Variants in LHFPL3 observed in about 807,000 individuals in gnomAD.
LHFPL3 encodes the protein LHFPL tetraspan subfamily member 3, also known as LHFPL tetraspan subfamily member 3 protein.
A neutral mutation model predicts 19.3 loss-of-function variants in LHFPL3; 5 were observed. The ratio of observed to expected loss-of-function variants is 0.26; its 90% confidence interval spans 0.14 to 0.54. The LOEUF (loss-of-function observed/expected upper bound fraction) is 0.54, where lower values mean the gene tolerates loss of function less well. Among genes scored for constraint, LHFPL3 ranks in the 20% least tolerant of loss-of-function variants. The pLI is 0.94. For missense variants in LHFPL3, 249 were observed against 307.4 expected, an observed-to-expected ratio of 0.81 and a Z score of 1.42; for synonymous variants, 133 against 126.2, an observed-to-expected ratio of 1.05 and a Z score of -0.36.
chr7:104,380,059 T>G (rs989961722), intron 1 of LHFPL3, among the ~76,000 whole-genome samples: 2 of 152,176 alleles, frequency 1.3e-5, no homozygotes, highest in Admixed American at 1.3e-4. Flanking sequence ...GTTACCATAC[T>G]GGTTAACTAA....
At chr7:104,734,542 G>C (rs1389644712) in intron 1 of LHFPL3, among the ~76,000 whole-genome samples, 1 of 152,174 alleles carries the variant, frequency 6.6e-6, no homozygotes, top group Non-Finnish European at 1.5e-5. Context: ...TCGTCACATA[G>C]TTCTTGTGCC....
chr7:104,876,615 G>T (rs1310792969), intron 2 of LHFPL3, among the ~76,000 whole-genome samples: 1 of 151,720 alleles, frequency 6.6e-6, no homozygotes, highest in Non-Finnish European at 1.5e-5. Flanking sequence ...TCATTAAAAA[G>T]TCAGGAAACA....
chr7:104,881,940 TAA>T (rs970371945), intron 2 of LHFPL3, among the ~76,000 whole-genome samples: 6 of 152,176 alleles, frequency 3.9e-5, no homozygotes, highest in Non-Finnish European at 8.8e-5. Context: ...ATTTTTAAAT[TAA>T]GTATGTATAT....
intron 2 of LHFPL3, among the ~76,000 whole-genome samples, chr7:104,874,107 G>A (rs528989552): frequency 1.2e-4 from 19 of 152,286 alleles, no homozygotes; most frequent in African/African-American, 4.6e-4. Flanking sequence ...TCATCTATAG[G>A]TAGCTGGCAG....
chr7:104,882,062 G>A (rs1302113706), intron 2 of LHFPL3, among the ~76,000 whole-genome samples: 1 of 152,090 alleles, frequency 6.6e-6, no homozygotes, highest in African/African-American at 2.4e-5. Flanking sequence ...TCACTTTATT[G>A]CAGTGGTCTG....
intron 2 of LHFPL3, chr7:104,799,473 T>C (rs971047713): frequency 2.0e-5 from 3 of 152,332 alleles, no homozygotes; most frequent in Non-Finnish European, 2.9e-5. Flanking sequence ...TGGGTCTGTC[T>C]GGTCAACAAG....
At chr7:104,469,875 T>C (rs960042198) in intron 1 of LHFPL3, among the ~76,000 whole-genome samples, 2 of 152,182 alleles carry the variant, frequency 1.3e-5, no homozygotes, top group African/African-American at 4.8e-5. Flanking sequence ...AAATGTGAGA[T>C]AAATGATATA....
intron 1 of LHFPL3, among the ~76,000 whole-genome samples, chr7:104,538,565 G>A (rs1794429521): frequency 6.6e-6 from 1 of 152,210 alleles, no homozygotes; most frequent in African/African-American, 2.4e-5. Context: ...GCAGATGTTT[G>A]CCATTGTTTT....
intron 1 of LHFPL3, among the ~76,000 whole-genome samples, chr7:104,430,419 CATATATATATATATATATATAT>C (rs1457442187): frequency 2.0e-4 from 3 of 14,668 alleles, no homozygotes; most frequent in Admixed American, 1.2e-3. Context: ...TATATATATA[CATATATATATATATATATATAT>C]ATATATATAT....
At chr7:104,612,980 T>C (rs1791238909) in intron 1 of LHFPL3, among the ~76,000 whole-genome samples, 1 of 152,194 alleles carries the variant, frequency 6.6e-6, no homozygotes, top group African/African-American at 2.4e-5. Context: ...AGTAATTCAT[T>C]TGGAAACAAA....
chr7:104,335,668 A>T (rs1011782134), intron 1 of LHFPL3, among the ~76,000 whole-genome samples: 5 of 152,182 alleles, frequency 3.3e-5, no homozygotes, highest in African/African-American at 1.2e-4. Flanking sequence ...GTACTTCTAT[A>T]TTTCCGTAAG....
chr7:104,734,596 T>G (rs1044525297), intron 1 of LHFPL3, among the ~76,000 whole-genome samples: 3 of 152,198 alleles, frequency 2.0e-5, no homozygotes, highest in African/African-American at 7.2e-5. Context: ...TTCTCTGCAT[T>G]GGTTATTCTA....
intron 2 of LHFPL3, among the ~76,000 whole-genome samples, chr7:104,868,928 T>G (rs544522957): frequency 6.6e-6 from 1 of 152,298 alleles, no homozygotes; most frequent in Admixed American, 6.5e-5. Context: ...GCTGCATATC[T>G]ACAACCATCT....
At chr7:104,564,553 A>G (rs763794749) in intron 1 of LHFPL3, among the ~76,000 whole-genome samples, 6 of 152,246 alleles carry the variant, frequency 3.9e-5, no homozygotes, top group Admixed American at 1.3e-4. Context: ...TCATCTAAAT[A>G]AAAGTTAAGT....
intron 1 of LHFPL3, among the ~76,000 whole-genome samples, chr7:104,385,054 C>T (rs555509371): frequency 2.1e-4 from 32 of 152,164 alleles, no homozygotes; most frequent in African/African-American, 7.5e-4. Flanking sequence ...AACCTTTACT[C>T]TCCCACCTGG....
chr7:104,328,745 C>CCAG lies in LHFPL3; in HGVS notation c.-34_-32dup. Reference sequence around the variant, plus strand: ...CTGAGAGGCGGGGGGAGGCGGAGGACCAGGAGGAGGAGGAGGAGGAGGAGG... The same window carrying CCAG: ...CTGAGAGGCGGGGGGAGGCGGAGGACCAGCAGGAGGAGGAGGAGGAGGAGGAGG... On this transcript the variant is annotated 5_prime_UTR_variant, in exon 1 of 3. Transcript: ENST00000424859. This position sits in a 1 kb window ranked among gnomAD's most constrained non-coding sequence, Gnocchi z 4.6. The CCAG allele has an allele frequency of 6.7e-7, 1 of 1,496,438 alleles. No homozygotes were observed. The highest frequency in any genetic ancestry group is 8.9e-7 in the Non-Finnish European group (1 of 1,121,136). 92.7% of individuals were successfully genotyped at this position (1,496,438 alleles called of 1,614,324 possible).
intron 1 of LHFPL3, among the ~76,000 whole-genome samples, chr7:104,611,003 C>T (rs186069447): frequency 6.6e-4 from 101 of 152,214 alleles, no homozygotes; most frequent in Non-Finnish European, 1.0e-3. Context: ...TCCTATGAAG[C>T]AATGAGATGC....
intron 1 of LHFPL3, among the ~76,000 whole-genome samples, chr7:104,589,974 T>TC (rs1455134438): frequency 2.6e-5 from 4 of 152,356 alleles, no homozygotes; most frequent in Middle Eastern, 3.4e-3. Flanking sequence ...TTTATCATTT[T>TC]TATTGCATCT....
chr7:104,430,460 T>A lies in LHFPL3; in HGVS notation c.445+101236T>A, dbSNP rs1420970115. ...TATATATATATATATATATATTTTT[T>A]TTTTTTTTTTTTTTTTTTTTTTTTT... On this transcript the variant is annotated intron_variant, in intron 1 of 2. Transcript: ENST00000424859. Among the ~76,000 whole-genome samples, 118 of 18,358 alleles carry A rather than the reference T, an allele frequency of 6.4e-3. 1 individual carries two copies. Among genetic ancestry groups the A allele is most frequent in the Non-Finnish European group, 7.8e-3 (83 of 10,700 alleles). The allele number at this position is 18,358 out of a possible 152,430, so 12.0% of individuals were successfully genotyped here.
Sources: gnomAD v4.1 joint callset for allele counts (sites outside exome capture counted in the v4.1 genomes callset) on GRCh38, gnomAD v4.1.1 for gene constraint, Gnocchi (gnomAD v3.1) non-coding constraint, MANE v1.5 for transcripts, NCBI Gene and HGNC (gene_info 2026-07-23, HGNC 2026-07-21) for gene names.